The following CADM1 variants were observed in gnomAD, a reference collection of about 807,000 sequenced individuals.
The protein encoded by CADM1 is TSLC-1.
CADM1 carries 15 observed loss-of-function variants against 53.1 expected under a neutral mutation model. The ratio of observed to expected loss-of-function variants is 0.28; its 90% CI spans 0.19 to 0.44. CADM1 has a LOEUF of 0.44. Ranked by LOEUF, CADM1 falls within the 20% of genes least tolerant of loss-of-function variation. CADM1 has a pLI of 1.00. For missense variants in CADM1, 434 were observed against 611.3 expected (o/e 0.71, Z 3.06); for synonymous variants, 281 against 243.0 (o/e 1.16, Z -1.45).
intron 9 of CADM1, among the ~76,000 whole-genome samples, chr11:115,198,171 C>T (rs1048023315): frequency 3.3e-5 from 5 of 152,218 alleles, no homozygotes; most frequent in Admixed American, 3.3e-4. Context: ...TCCTACAATT[C>T]CAGCCACCCA....
At chr11:115,426,123 A>C (rs1947885700) in intron 1 of CADM1, among the ~76,000 whole-genome samples, 1 of 152,160 alleles carries the variant, frequency 6.6e-6, no homozygotes, top group African/African-American at 2.4e-5. Context: ...TTAAAAAGAA[A>C]ATAAATCTTA....
intron 1 of CADM1, among the ~76,000 whole-genome samples, chr11:115,255,386 C>A (rs1942752668): frequency 6.6e-6 from 1 of 152,202 alleles, no homozygotes; most frequent in Non-Finnish European, 1.5e-5. Flanking sequence ...TGTTGACCAG[C>A]AGTCTTGACA....
intron 1 of CADM1, among the ~76,000 whole-genome samples, chr11:115,343,594 C>T (rs1369788668): frequency 6.6e-6 from 1 of 151,508 alleles, no homozygotes; most frequent in Non-Finnish European, 1.5e-5. Context: ...TGAATCAGCA[C>T]AATAAAAAGG....
At chr11:115,216,193 A>G (rs1941174908) in intron 6 of CADM1, among the ~76,000 whole-genome samples, 1 of 152,228 alleles carries the variant, frequency 6.6e-6, no homozygotes, top group African/African-American at 2.4e-5. Flanking sequence ...GAGAAAATAA[A>G]TAAGTAACAT....
chr11:115,442,776 T>C (rs983023147), intron 1 of CADM1, among the ~76,000 whole-genome samples: 1 of 152,196 alleles, frequency 6.6e-6, no homozygotes, highest in Non-Finnish European at 1.5e-5. Flanking sequence ...GGCTATTTGC[T>C]GCTTCTGAAA....
chr11:115,398,905 A>G (rs1053596619), intron 1 of CADM1, among the ~76,000 whole-genome samples: 2 of 152,188 alleles, frequency 1.3e-5, no homozygotes, highest in African/African-American at 4.8e-5. Flanking sequence ...AAGACCCTTC[A>G]GATAACAGGA....
chr11:115,286,225 G>A lies in CADM1; in HGVS notation c.125-45805C>T, dbSNP rs565725397. On this transcript the variant is annotated intron_variant, in intron 1 of 11. Transcript: ENST00000331581. Reference sequence around the variant, plus strand: ...GCACACTGAAGTTTACTTTGCAACCGCAGCAAATCTGTAGCACCCATTATC... The same window carrying A: ...GCACACTGAAGTTTACTTTGCAACCACAGCAAATCTGTAGCACCCATTATC... Among the ~76,000 whole-genome samples the A allele has an allele frequency of 4.6e-5, 7 of 152,156 alleles. No homozygotes were observed. In the South Asian group the frequency reaches 1.5e-3, roughly 32 times the overall value.
intron 9 of CADM1, among the ~76,000 whole-genome samples, chr11:115,195,999 T>A (rs1346035601): frequency 6.6e-6 from 1 of 152,204 alleles, no homozygotes; most frequent in African/African-American, 2.4e-5. Context: ...ATTCCAAGTA[T>A]ATATATACAA....
At chr11:115,347,356 C>T (rs1464048575) in intron 1 of CADM1, among the ~76,000 whole-genome samples, 1 of 152,066 alleles carries the variant, frequency 6.6e-6, no homozygotes, top group Non-Finnish European at 1.5e-5. Context: ...CAGGTGTGTG[C>T]AATATGTTGT....
At chr11:115,314,922 C>T (rs1944621455) in intron 1 of CADM1, among the ~76,000 whole-genome samples, 1 of 152,176 alleles carries the variant, frequency 6.6e-6, no homozygotes, top group Non-Finnish European at 1.5e-5. Context: ...TCAGCAGAAG[C>T]TTGTTTCATA....
intron 1 of CADM1, 76 bp downstream of exon 1, chr11:115,504,195 T>G: frequency 6.5e-7 from 1 of 1,546,830 alleles, no homozygotes; most frequent in Non-Finnish European, 8.7e-7. Flanking sequence ...CATGGAAACG[T>G]TTCCCCCCTC....
intron 3 of CADM1, among the ~76,000 whole-genome samples, chr11:115,237,432 T>TA (rs912418309): frequency 7.2e-5 from 11 of 152,072 alleles, no homozygotes; most frequent in African/African-American, 9.7e-5. Flanking sequence ...GCTTAATGAA[T>TA]AAAAAAAATT....
intron 1 of CADM1, among the ~76,000 whole-genome samples, chr11:115,371,339 C>A (rs1330511957): frequency 6.6e-6 from 1 of 151,996 alleles, no homozygotes; most frequent in African/African-American, 2.4e-5. Flanking sequence ...TCTTAGACTA[C>A]AAATAAAGTG....
intron 1 of CADM1, among the ~76,000 whole-genome samples, chr11:115,480,769 G>T (rs1326962381): frequency 6.6e-6 from 1 of 152,084 alleles, no homozygotes; most frequent in Non-Finnish European, 1.5e-5. Flanking sequence ...ACCATCAACA[G>T]GTTTAGCATG....
chr11:115,243,215 G>A (rs1388164594), intron 1 of CADM1, among the ~76,000 whole-genome samples: 1 of 152,110 alleles, frequency 6.6e-6, no homozygotes, highest in Admixed American at 6.5e-5. Flanking sequence ...CACATAATGC[G>A]CTCTGCAAAC....
chr11:115,225,623 A>G lies in CADM1; in HGVS notation c.721+3490T>C, dbSNP rs569190554. 3.3e-5 allele frequency among the ~76,000 whole-genome samples: 5 copies of G among 152,292 alleles called. No homozygotes were observed. The East Asian group carries it at 9.6e-4, about 29-fold the overall frequency. On this transcript the variant is annotated intron_variant, in intron 5 of 11. Coordinates refer to ENST00000331581, the MANE Select transcript of CADM1 (RefSeq NM_001301043.2). ...ATTAATTAGGACTTAAATCCACAAG[A>G]CAAAAGCAATTCCAAGTTGCAGCTC...
In CADM1 at chr11:115,279,113, G is replaced by A. The variant is rs531523972; in HGVS notation, c.125-38693C>T. On this transcript the variant is annotated intron_variant, in intron 1 of 11. Transcript: ENST00000331581. Reference sequence around the variant, plus strand: ...GACCTTCAGAGACCACTGGTAAGACGATCCTGTCCCTAAGAATGTCATCCT... The same window carrying A: ...GACCTTCAGAGACCACTGGTAAGACAATCCTGTCCCTAAGAATGTCATCCT... Among the ~76,000 whole-genome samples, 6 of 152,250 alleles carry A rather than the reference G, an allele frequency of 3.9e-5. No individual in the cohort carries two copies. In the South Asian group the frequency reaches 6.2e-4, roughly 16 times the overall value.
At chr11:115,313,492 A>C (rs1185950761) in intron 1 of CADM1, among the ~76,000 whole-genome samples, 1 of 152,190 alleles carries the variant, frequency 6.6e-6, no homozygotes, top group Non-Finnish European at 1.5e-5. Context: ...ATTATCATAG[A>C]TAGTACTAGA....
intron 1 of CADM1, among the ~76,000 whole-genome samples, chr11:115,481,709 C>T (rs902630961): frequency 1.3e-5 from 2 of 152,160 alleles, no homozygotes; most frequent in African/African-American, 4.8e-5. Context: ...CAAGCCAGAA[C>T]CTGACCATTA....
Sources: allele counts gnomAD v4.1 joint callset (sites outside exome capture counted in the v4.1 genomes callset), GRCh38; gene constraint gnomAD v4.1.1; transcripts MANE v1.5; gene names NCBI Gene and HGNC (gene_info 2026-07-23, HGNC 2026-07-21).